RET: variants seen among roughly 807,000 people sequenced by gnomAD.
The protein encoded by RET is ret proto-oncogene.
In RET, 19 loss-of-function variants were observed where a neutral mutation model predicts 118.3. That is an observed-to-expected ratio of 0.16 (90% CI 0.11 to 0.24). The LOEUF (loss-of-function observed/expected upper bound fraction) is 0.24, where lower values mean the gene tolerates loss of function less well. RET is among the 10% of genes least tolerant of loss of function. The pLI, the probability that RET is intolerant of heterozygous loss-of-function variation, is 1.00. For missense variants in RET, 1,219 were observed against 1,502.1 expected (o/e 0.81, Z 3.12); for synonymous variants, 597 against 644.1 (o/e 0.93, Z 1.11).
intron 12 of RET, among the ~76,000 whole-genome samples, chr10:43,117,896 C>T (rs1015424124): frequency 6.6e-6 from 1 of 152,128 alleles, no homozygotes; most frequent in Non-Finnish European, 1.5e-5. Flanking sequence ...ACAGGAGATG[C>T]CTGGGCTCCA....
rs12246856 is a variant in RET, at chr10:43,077,503, A to C, written c.73+172A>C. On this transcript the variant is annotated intron_variant, in intron 1 of 19. Coordinates refer to ENST00000355710, the MANE Select transcript of RET (RefSeq NM_020975.6). ...AGTGGCTGCGGCGGGCGGCGGGCGA[A>C]GGGCAGGACGCCTCGGGCCGGGCGC... Among the ~76,000 whole-genome samples, 61,925 of 148,192 alleles carry C rather than the reference A, an allele frequency of 0.42. 14,156 individuals carry two copies. Among genetic ancestry groups the C allele is most frequent in the African/African-American group, 0.61 (24,997 of 40,918 alleles).
intron 15 of RET, among the ~76,000 whole-genome samples, chr10:43,121,127 G>A (rs1047116843): frequency 1.3e-5 from 2 of 152,186 alleles, no homozygotes; most frequent in African/African-American, 4.8e-5. Flanking sequence ...CCTGTGGAGG[G>A]TGTGGACAGA....
chr10:43,115,740 T>C (rs1838056882), intron 11 of RET, among the ~76,000 whole-genome samples: 1 of 152,166 alleles, frequency 6.6e-6, no homozygotes, highest in African/African-American at 2.4e-5. Context: ...TCAACCTCAG[T>C]ATTTGAGAGG....
Position 43,106,663 on chromosome 10 carries a change from C to A in RET, c.1063+92C>A. On this transcript the variant is annotated intron_variant, in intron 5 of 19. Transcript: ENST00000355710. The surrounding 1 kb of genome is among the most constrained non-coding windows in gnomAD (Gnocchi z 5.1). ...AAGCAGCACCCTACACACATGCACA[C>A]CTGGCATGGCCCTCTGTGGCCCAAG... 1 of 1,305,666 alleles carries A rather than the reference C, an allele frequency of 7.7e-7. No homozygotes were observed. The highest frequency in any genetic ancestry group is 1.1e-6 in the Non-Finnish European group (1 of 929,260). The allele number at this position is 1,305,666 out of a possible 1,614,324, so 80.9% of individuals were successfully genotyped here.
intron 19 of RET, chr10:43,127,119 C>T: frequency 8.7e-7 from 1 of 1,150,362 alleles, no homozygotes; most frequent in Non-Finnish European, 1.1e-6. Flanking sequence ...GAGAAAGGAG[C>T]CACCAGCACC....
rs771673947 is a variant in RET, at chr10:43,116,778, CG to C, written c.2284+53del. 19 of 1,434,532 alleles carry C rather than the reference CG, an allele frequency of 1.3e-5. No homozygotes were observed. The Admixed American group carries it at 2.1e-4, about 16-fold the overall frequency. The allele number at this position is 1,434,532 out of a possible 1,614,324, so 88.9% of individuals were successfully genotyped here. A position where few individuals can be genotyped will look rare whatever the true frequency, so the allele number is the denominator to read the frequency against. On this transcript the variant is annotated intron_variant, in intron 12 of 19. Coordinates refer to ENST00000355710, the MANE Select transcript of RET (RefSeq NM_020975.6). ...AGTGCCCCTGGGGGAGTCTCCGGGG[CG>C]GGGGGCGGGTGAGGCCCCTCCTGCC...
rs1187008873 is a variant in RET at position 43,106,409 on chromosome 10, G to A, written c.901G>A (p.Ala301Thr). The change falls in exon 5 of 20, where the codon GCA (alanine) becomes ACA (threonine). Residue 301 changes from alanine to threonine, a missense_variant. Coordinates refer to ENST00000355710, the MANE Select transcript of RET (RefSeq NM_020975.6). The surrounding 1 kb of genome is among the most constrained non-coding windows in gnomAD (Gnocchi z 5.1). ...GGTGGCCACGCTGCGTGTCTTCGAT[G>A]CAGACGTGGTACCTGCATCAGGGGA... is the stretch of plus-strand genomic sequence containing the variant. ...TVVATLRVFD[A>T]DVVPASGELV... 5 of 1,612,986 alleles carry A rather than the reference G, an allele frequency of 3.1e-6. No individual in the cohort carries two copies. Among genetic ancestry groups the A allele is most frequent in the South Asian group, 2.2e-5 (2 of 91,026 alleles).
chr10:43,118,749 C>T (rs1031570303), intron 13 of RET, among the ~76,000 whole-genome samples: 8 of 152,254 alleles, frequency 5.3e-5, no homozygotes, highest in Non-Finnish European at 1.2e-4. Context: ...TGTGACACTG[C>T]CATGTGTCCT....
rs762367597 is a variant in RET, at chr10:43,106,539, G to A, written c.1031G>A (p.Gly344Asp). 5 of 1,613,748 alleles carry A rather than the reference G, an allele frequency of 3.1e-6. No homozygotes were observed. The highest frequency in any genetic ancestry group is 1.1e-5 in the South Asian group (1 of 91,056). ...AACGAGACCTCGGTCCAGGCCAACG[G>A]CAGCTTCGTGCGGGCGACCGTACAT... is the stretch of plus-strand genomic sequence containing the variant. The part of the protein sequence containing the change: ...WPNETSVQAN[G>D]SFVRATVHDY... Residue 344 changes from glycine to aspartate, a missense_variant, in exon 5 of 20, where the codon GGC becomes GAC. Gly to Asp is a moderately conservative substitution (Grantham distance 94, BLOSUM62 -1). Around this residue, in one of 5 missense-constraint regions of RET, gnomAD observed 850 missense variants for 969.6 expected, o/e 0.88. Transcript: ENST00000355710. This position sits in a 1 kb window ranked among gnomAD's most constrained non-coding sequence, Gnocchi z 5.1.
intron 1 of RET, among the ~76,000 whole-genome samples, chr10:43,087,322 G>A (rs888826144): frequency 3.3e-5 from 5 of 152,212 alleles, no homozygotes; most frequent in Non-Finnish European, 7.3e-5. Context: ...ACTCCACACC[G>A]GGTCTCCTGC....
At chr10:43,088,429 G>C (rs1837341266) in intron 1 of RET, among the ~76,000 whole-genome samples, 1 of 151,924 alleles carries the variant, frequency 6.6e-6, no homozygotes, top group Non-Finnish European at 1.5e-5. Context: ...GGTGGGGATG[G>C]TGGTGGTGGA....
chr10:43,128,122 C>G lies in RET; in HGVS notation c.3198C>G (p.Asp1066Glu). Residue 1066 changes from aspartate to glutamate, a missense_variant, in exon 20 of 20, where the codon GAC becomes GAG. Physicochemically the swap from Asp to Glu is conservative, Grantham distance 45. Transcript: ENST00000355710. ...TGTTTTCATTTTTAGGCATGTCAGA[C>G]CCGAACTGGCCTGGAGAGAGTCCTG... is the stretch of plus-strand genomic sequence containing the variant. ...WIENKLYGMSDPNWPGESPVP... is the reference protein window; with the variant it reads ...WIENKLYGMSEPNWPGESPVP... 6.2e-7 allele frequency: 1 copy of G among 1,614,150 alleles called. No homozygotes were observed. Among genetic ancestry groups the G allele is most frequent in the Non-Finnish European group, 8.5e-7 (1 of 1,180,028 alleles).
rs2132947787 is a variant in RET at position 43,119,664 on chromosome 10, T to G, written c.2526T>G (p.Asp842Glu). 6.2e-7 allele frequency: 1 copy of G among 1,613,402 alleles called. No individual in the cohort carries two copies. The change falls in exon 14 of 20, where the codon GAT (aspartate) becomes GAG (glutamate). Residue 842 changes from aspartate (D) to glutamate (E), a missense_variant. Asp to Glu is a conservative substitution (Grantham distance 45, BLOSUM62 2). Around this residue, in one of 5 missense-constraint regions of RET, gnomAD observed 850 missense variants for 969.6 expected, o/e 0.88. Coordinates refer to ENST00000355710, the MANE Select transcript of RET (RefSeq NM_020975.6). ...ACTCCAGCTCCCTGGACCACCCGGA[T>G]GAGCGGGCCCTCACCATGGGCGACC... is the stretch of plus-strand genomic sequence containing the variant. The part of the protein sequence containing the change: ...SRNSSSLDHP[D>E]ERALTMGDLI...
At chr10:43,125,681 G>A (rs1838313555) in intron 18 of RET, among the ~76,000 whole-genome samples, 1 of 152,150 alleles carries the variant, frequency 6.6e-6, no homozygotes, top group Non-Finnish European at 1.5e-5. Flanking sequence ...TCAGAGGCTG[G>A]GAATGCAGAT....
chr10:43,078,151 C>G (rs112437547), intron 1 of RET, among the ~76,000 whole-genome samples: 3,719 of 152,344 alleles, frequency 0.024, 145 homozygotes, highest in African/African-American at 0.084. Flanking sequence ...ATCGACCCCA[C>G]CCAAACTCTG....
At chr10:43,089,702 C>T (rs1030223496) in intron 1 of RET, among the ~76,000 whole-genome samples, 15 of 152,202 alleles carry the variant, frequency 9.9e-5, no homozygotes, top group African/African-American at 3.4e-4. Flanking sequence ...CACAGGGAGG[C>T]GTGGAGCACA....
In RET at chr10:43,122,163, C is replaced by A. The variant is rs554818125; in HGVS notation, c.2801+147C>A. On this transcript the variant is annotated intron_variant, in intron 16 of 19. Transcript: ENST00000355710. ...CTGCAGTGCTAGCCCTCTGCAATGA[C>A]CCCCTCACTGAGGGGCCTTCATGAT... 1.9e-3 allele frequency: 1,420 copies of A among 752,160 alleles called. 15 individuals are homozygous for A. The highest frequency in any genetic ancestry group is 8.4e-3 in the South Asian group (606 of 72,084). 46.6% of individuals were successfully genotyped at this position (752,160 alleles called of 1,614,324 possible).
chr10:43,114,145 T>C lies in RET; in HGVS notation c.1880-335T>C, dbSNP rs992156350. Among the ~76,000 whole-genome samples the C allele has an allele frequency of 1.3e-5, 2 of 152,138 alleles. No individual in the cohort carries two copies. Among genetic ancestry groups the C allele is most frequent in the Admixed American group, 6.5e-5 (1 of 15,276 alleles). On this transcript the variant is annotated intron_variant, in intron 10 of 19. Transcript: ENST00000355710. The surrounding 1 kb of genome is among the most constrained non-coding windows in gnomAD (Gnocchi z 4.6). Reference sequence around the variant, plus strand: ...TTCATAAAGAAAATGCCAAAGACATTTGGAACAGAGGAAAATTTTGACCTC... The same window carrying C: ...TTCATAAAGAAAATGCCAAAGACATCTGGAACAGAGGAAAATTTTGACCTC...
Position 43,126,672 on chromosome 10 carries a change from C to G in RET, c.3137C>G (p.Ala1046Gly), listed in dbSNP as rs945693739. 6.2e-7 allele frequency: 1 copy of G among 1,613,992 alleles called. No individual in the cohort carries two copies. Among genetic ancestry groups the G allele is most frequent in the Admixed American group, 1.7e-5 (1 of 60,012 alleles). Residue 1046 changes from alanine to glycine, a missense_variant, in exon 19 of 20, where the codon GCC becomes GGC. Physicochemically the swap from Ala to Gly is moderately conservative, Grantham distance 60 (BLOSUM62 0). Coordinates refer to ENST00000355710, the MANE Select transcript of RET (RefSeq NM_020975.6). Reference sequence around the variant, plus strand: ...ACACCGCTGGTGGACTGTAATAATGCCCCCCTCCCTCGAGCCCTCCCTTCC... The same window carrying G: ...ACACCGCTGGTGGACTGTAATAATGGCCCCCTCCCTCGAGCCCTCCCTTCC... Reference protein sequence around the residue: ...EETPLVDCNNAPLPRALPSTW... With the variant: ...EETPLVDCNNGPLPRALPSTW...
Sources: allele counts gnomAD v4.1 joint callset (sites outside exome capture counted in the v4.1 genomes callset), GRCh38; gene constraint gnomAD v4.1.1; regional missense constraint gnomAD v4.1.1; non-coding constraint Gnocchi (gnomAD v3.1); transcripts MANE v1.5; gene names NCBI Gene and HGNC (gene_info 2026-07-23, HGNC 2026-07-21).